The following AIFM2 variants were observed in gnomAD, a reference collection of about 807,000 sequenced individuals.
The protein encoded by AIFM2 is AIF family member 2, ferroptosis suppressor.
In AIFM2, 38 loss-of-function variants were observed where a neutral mutation model predicts 35.7. The observed-to-expected ratio is 1.06, with a 90% confidence interval of 0.82 to 1.39. The LOEUF (loss-of-function observed/expected upper bound fraction) is 1.39. AIFM2 is among the 40% of genes most tolerant of loss of function. The pLI is 0.00. For missense variants in AIFM2, 476 were observed against 491.2 expected (o/e 0.97, Z 0.29); for synonymous variants, 185 against 203.5 (o/e 0.91, Z 0.77).
At position 70,116,709 on chromosome 10, in the gene AIFM2, T is replaced by G; in HGVS notation, c.682A>C (p.Thr228Pro). 1 of 1,614,196 alleles carries G rather than the reference T, an allele frequency of 6.2e-7. No homozygotes were observed. Among genetic ancestry groups the G allele is most frequent in the Non-Finnish European group, 8.5e-7 (1 of 1,180,032 alleles). Reference sequence around the variant, plus strand: ...GTGGCCACCTCTGTGCCTTTGTCCGTCTGCACTTTGATGTACTCTCGATAC... The same window carrying G: ...GTGGCCACCTCTGTGCCTTTGTCCGGCTGCACTTTGATGTACTCTCGATAC... ...NEYREYIKVQ[T>P]DKGTEVATNL... is the part of the protein sequence containing the mutation. Residue 228 changes from threonine (T) to proline (P), a missense_variant, in exon 7 of 9, where the codon ACG (threonine) becomes CCG (proline). Thr to Pro is a conservative substitution (Grantham distance 38). Coordinates refer to ENST00000307864, the MANE Select transcript of AIFM2 (RefSeq NM_032797.6).
chr10:70,114,889 A>T, intron 8 of AIFM2, 31 bp downstream of exon 8: 1 of 1,609,928 alleles, frequency 6.2e-7, no homozygotes, highest in Non-Finnish European at 8.5e-7. Flanking sequence ...AAACTCTATT[A>T]AAACTGCAAA....
In AIFM2 at chr10:70,117,795, G is replaced by C. The variant is rs1318317754; in HGVS notation, c.616+17C>G. On this transcript the variant is annotated intron_variant, in intron 6 of 8. Coordinates refer to ENST00000307864, the MANE Select transcript of AIFM2 (RefSeq NM_032797.6). The surrounding 1 kb of genome is among the most constrained non-coding windows in gnomAD (Gnocchi z 4.7). Reference sequence around the variant, plus strand: ...CAGGCCAGGGCAGGGCAGGGAGGGAGGTGAGGGTGCACGTACTCAGCAGCA... The same window carrying C: ...CAGGCCAGGGCAGGGCAGGGAGGGACGTGAGGGTGCACGTACTCAGCAGCA... 3 of 1,590,524 alleles carry C rather than the reference G, an allele frequency of 1.9e-6. No individual in the cohort carries two copies. The Admixed American group carries it at 5.3e-5, about 28-fold the overall frequency.
At chr10:70,121,765 A>T (rs1053602898) in intron 3 of AIFM2, among the ~76,000 whole-genome samples, 28 of 150,668 alleles carry the variant, frequency 1.9e-4, no homozygotes, top group South Asian at 1.0e-3. Flanking sequence ...ATATTTTATT[A>T]AAAAATAATT....
intron 1 of AIFM2, among the ~76,000 whole-genome samples, chr10:70,125,339 G>A (rs961461111): frequency 2.0e-5 from 3 of 148,538 alleles, no homozygotes; most frequent in African/African-American, 2.5e-5. Flanking sequence ...AGCAGCTCAC[G>A]CCTGTAATCC....
Position 70,124,027 on chromosome 10 carries a change from C to A in AIFM2, c.58G>T (p.Gly20Cys). 1 of 1,611,946 alleles carries A rather than the reference C, an allele frequency of 6.2e-7. No homozygotes were observed. Among genetic ancestry groups the A allele is most frequent in the Non-Finnish European group, 8.5e-7 (1 of 1,178,994 alleles). Residue 20 changes from glycine (G) to cysteine (C), a missense_variant, in exon 2 of 9, where the codon GGC becomes TGC. By Grantham distance (159) the Gly-to-Cys change is radical (BLOSUM62 -3). Coordinates refer to ENST00000307864, the MANE Select transcript of AIFM2 (RefSeq NM_032797.6). ...CTGGCTGCTGCGATCCCGCCAAAGC[C>A]CCCACCCACAATCACCACGTGCAGA... ...GALHVVIVGG[G>C]FGGIAAASQL...
In AIFM2 at chr10:70,125,754, A is replaced by G. The variant is rs531801103; in HGVS notation, c.-13-1657T>C. ...CCAAAGTGCTGGGATTACAGGCATG[A>G]ACCACTGCACCCAGTCCCCATTTCT... On this transcript the variant is annotated intron_variant, in intron 1 of 8. Transcript: ENST00000307864. 2.3e-3 allele frequency among the ~76,000 whole-genome samples: 349 copies of G among 152,290 alleles called. 2 individuals are homozygous for G. Among genetic ancestry groups the G allele is most frequent in the Non-Finnish European group, 4.0e-3 (275 of 68,018 alleles).
Position 70,124,020 on chromosome 10 carries a change from C to A in AIFM2, c.65G>T (p.Gly22Val). Reference protein sequence around the residue: ...LHVVIVGGGFGGIAAASQLQA... With the variant: ...LHVVIVGGGFVGIAAASQLQA... ...CAGCTGGCTGGCTGCTGCGATCCCG[C>A]CAAAGCCCCCACCCACAATCACCAC... Residue 22 changes from glycine to valine, a missense_variant, in exon 2 of 9, where the codon GGC (glycine) becomes GTC (valine). Physicochemically the swap from Gly to Val is moderately radical, Grantham distance 109 (BLOSUM62 -3). Coordinates refer to ENST00000307864, the MANE Select transcript of AIFM2 (RefSeq NM_032797.6). 1.2e-6 allele frequency: 2 copies of A among 1,612,476 alleles called. No individual in the cohort carries two copies. The highest frequency in any genetic ancestry group is 1.7e-6 in the Non-Finnish European group (2 of 1,179,192).
intron 1 of AIFM2, among the ~76,000 whole-genome samples, chr10:70,130,266 T>C (rs891688560): frequency 6.6e-6 from 1 of 152,190 alleles, no homozygotes; most frequent in Non-Finnish European, 1.5e-5. Context: ...TGTGCAACCA[T>C]CACAACTATC....
In AIFM2 at chr10:70,114,190, C is replaced by A; in HGVS notation, c.1110G>T (p.Gln370His). 6.2e-7 allele frequency: 1 copy of A among 1,612,922 alleles called. No homozygotes were observed. The highest frequency in any genetic ancestry group is 8.5e-7 in the Non-Finnish European group (1 of 1,179,548). Residue 370 changes from glutamine (Q) to histidine (H), a missense_variant, in exon 9 of 9, where the codon CAG becomes CAT. Transcript: ENST00000307864. ...FVSTSWKTMR[Q>H]SPP Reference sequence around the variant, plus strand: ...CCTGGCCTCTCCATCAAGGTGGAGACTGCCTCATGGTTTTCCAGCTCGTAG... The same window carrying A: ...CCTGGCCTCTCCATCAAGGTGGAGAATGCCTCATGGTTTTCCAGCTCGTAG...
chr10:70,115,249 C>T, intron 7 of AIFM2, 129 bp from the exon 8 acceptor site: 1 of 956,278 alleles, frequency 1.0e-6, no homozygotes, highest in Non-Finnish European at 1.6e-6. Flanking sequence ...TGAGGCATGA[C>T]CACCCCCTGG....
intron 2 of AIFM2, 118 bp downstream of exon 2, chr10:70,123,789 C>T: frequency 1.8e-6 from 2 of 1,126,198 alleles, no homozygotes; most frequent in Non-Finnish European, 2.4e-6. Flanking sequence ...ACTTGTCTGA[C>T]AGTGGAATGC....
intron 5 of AIFM2, among the ~76,000 whole-genome samples, chr10:70,119,272 C>A (rs1444188566): frequency 1.3e-5 from 2 of 152,236 alleles, no homozygotes; most frequent in African/African-American, 4.8e-5. Flanking sequence ...TGGCTTCCAT[C>A]AGCTGCTCTA....
intron 4 of AIFM2, 75 bp from the exon 5 acceptor site, chr10:70,120,674 T>A: frequency 6.5e-7 from 1 of 1,544,426 alleles, no homozygotes. Flanking sequence ...TGGTTCAGCC[T>A]GTGGTGTGGC....
At chr10:70,122,192 G>A (rs2072516959) in intron 3 of AIFM2, among the ~76,000 whole-genome samples, 1 of 152,258 alleles carries the variant, frequency 6.6e-6, no homozygotes, top group South Asian at 2.1e-4. Context: ...CAAAAACAGA[G>A]CTGCTCCAAT....
intron 8 of AIFM2, 24 bp downstream of exon 8, chr10:70,114,896 C>G (rs1482051619): frequency 1.9e-6 from 3 of 1,611,732 alleles, no homozygotes; most frequent in Non-Finnish European, 1.7e-6. Flanking sequence ...ATTAAAACTG[C>G]AAAGCACATG....
chr10:70,115,759 C>CT (rs1364394308), intron 7 of AIFM2, among the ~76,000 whole-genome samples: 1 of 152,126 alleles, frequency 6.6e-6, no homozygotes, highest in Non-Finnish European at 1.5e-5. Flanking sequence ...GAGCAAGACT[C>CT]TGTCTCAAAA....
chr10:70,123,000 T>G (rs1446997151), intron 3 of AIFM2, among the ~76,000 whole-genome samples: 1 of 152,192 alleles, frequency 6.6e-6, no homozygotes, highest in Non-Finnish European at 1.5e-5. Flanking sequence ...AGGCAGGGCT[T>G]GGGGCTCACA....
chr10:70,122,422 T>G (rs1409046975), intron 3 of AIFM2, among the ~76,000 whole-genome samples: 2 of 152,224 alleles, frequency 1.3e-5, no homozygotes, highest in Non-Finnish European at 2.9e-5. Flanking sequence ...GGAATTGTGT[T>G]TCCTTTTGTC....
Position 70,120,967 on chromosome 10 carries a change from C to A in AIFM2, c.414+125G>T. The A allele has an allele frequency of 2.0e-6, 3 of 1,475,100 alleles. No individual in the cohort carries two copies. In the South Asian group the frequency reaches 4.1e-5, roughly 20 times the overall value. The allele number at this position is 1,475,100 out of a possible 1,614,324, so 91.4% of individuals were successfully genotyped here. A position where few individuals can be genotyped will look rare whatever the true frequency, so the allele number is the denominator to read the frequency against. On this transcript the variant is annotated intron_variant, in intron 4 of 8. Transcript: ENST00000307864. Reference sequence around the variant, plus strand: ...AGGAAAGTCTCTTCCTAGTGACTCTCCAACTCTATGGCTACAGCCAGCAGC... The same window carrying A: ...AGGAAAGTCTCTTCCTAGTGACTCTACAACTCTATGGCTACAGCCAGCAGC...
Sources: allele counts gnomAD v4.1 joint callset (sites outside exome capture counted in the v4.1 genomes callset), GRCh38; gene constraint gnomAD v4.1.1; non-coding constraint Gnocchi (gnomAD v3.1); transcripts MANE v1.5; gene names NCBI Gene and HGNC (gene_info 2026-07-23, HGNC 2026-07-21).